DNAAF8: variants seen among roughly 807,000 people sequenced by gnomAD.
DNAAF8 encodes the protein dynein axonemal assembly factor 8.
In DNAAF8, 61 loss-of-function variants were observed where a neutral mutation model predicts 54.6. The ratio of observed to expected loss-of-function variants is 1.12; its 90% CI spans 0.91 to 1.38. The LOEUF (loss-of-function observed/expected upper bound fraction) is 1.38, where lower values mean the gene tolerates loss of function less well. Among genes scored for constraint, DNAAF8 ranks in the 40% most tolerant of loss-of-function variants. The pLI, the probability that DNAAF8 is intolerant of heterozygous loss-of-function variation, is 0.00. For synonymous variants in DNAAF8, 320 were observed against 270.1 expected (o/e 1.18, Z -1.81); for missense variants, 837 against 665.0 (o/e 1.26, Z -2.85).
chr16:4,746,086 T>G, intron 6 of DNAAF8: 1 of 314,820 alleles, frequency 3.2e-6, no homozygotes, highest in African/African-American at 2.1e-5. Context: ...GTTTTATGCA[T>G]TGGATTTAAA....
intron 1 of DNAAF8, chr16:4,734,985 G>A (rs1350544341): frequency 1.3e-5 from 2 of 152,206 alleles, no homozygotes; most frequent in South Asian, 2.1e-4. Flanking sequence ...CCGTTATTCA[G>A]AGGCGGCTCC....
chr16:4,748,321 G>A (rs2082045230), intron 9 of DNAAF8: 1 of 151,494 alleles, frequency 6.6e-6, no homozygotes, highest in African/African-American at 2.4e-5. Flanking sequence ...ACAGTGCTGG[G>A]ATTATAGCAC....
intron 4 of DNAAF8, among the ~76,000 whole-genome samples, chr16:4,742,779 G>C (rs559133845): frequency 7.9e-5 from 12 of 152,094 alleles, no homozygotes; most frequent in Non-Finnish European, 1.6e-4. Context: ...CAACGTCTTT[G>C]TGCCAAAAAC....
At chr16:4,743,262 A>C in intron 5 of DNAAF8, 102 bp downstream of exon 5, 1 of 781,486 alleles carries the variant, frequency 1.3e-6, no homozygotes, top group East Asian at 2.8e-5. Context: ...ACAGTCCTGC[A>C]GCCCACACAA....
At chr16:4,745,152 TC>T in intron 6 of DNAAF8, 141 bp downstream of exon 6, 1 of 1,129,688 alleles carries the variant, frequency 8.9e-7, no homozygotes, top group Non-Finnish European at 1.2e-6. Context: ...AGGCAGTCGC[TC>T]CAGTCATCCC....
rs887556085 is a variant in DNAAF8 at position 4,736,461 on chromosome 16, C to G, written c.-51-3C>G. The G allele has an allele frequency of 6.9e-7, 1 of 1,446,276 alleles. No individual in the cohort carries two copies. Among genetic ancestry groups the G allele is most frequent in the African/African-American group, 1.4e-5 (1 of 69,764 alleles). The allele number at this position is 1,446,276 out of a possible 1,614,324, so 89.6% of individuals were successfully genotyped here. A position where few individuals can be genotyped will look rare whatever the true frequency, so the allele number is the denominator to read the frequency against. On this transcript the variant is annotated splice_region_variant and splice_polypyrimidine_tract_variant and intron_variant, in intron 1 of 9. Transcript: ENST00000299320. Reference sequence around the variant, plus strand: ...CTCTTCCATCACCCTGTGTACCCCACAGAGCTCCCCGGATTATGGTGCACT... The same window carrying G: ...CTCTTCCATCACCCTGTGTACCCCAGAGAGCTCCCCGGATTATGGTGCACT...
At chr16:4,742,857 G>A (rs549985117) in intron 4 of DNAAF8, among the ~76,000 whole-genome samples, 186 bp from the exon 5 acceptor site, 1 of 152,282 alleles carries the variant, frequency 6.6e-6, no homozygotes, top group East Asian at 1.9e-4. Context: ...CACCTTAACG[G>A]AGGCGTTCAA....
chr16:4,742,681 C>G (rs1322985693), intron 4 of DNAAF8, among the ~76,000 whole-genome samples: 5 of 152,100 alleles, frequency 3.3e-5, no homozygotes, highest in African/African-American at 1.2e-4. Context: ...GCTCGCACCA[C>G]TACACTCCAG....
chr16:4,740,672 C>T lies in DNAAF8; in HGVS notation c.783+13C>T, dbSNP rs767707233. 2.4e-5 allele frequency: 37 copies of T among 1,565,726 alleles called. No individual in the cohort carries two copies. Among genetic ancestry groups the T allele is most frequent in the Non-Finnish European group, 2.2e-5 (26 of 1,161,430 alleles). ...GCTCTCGCTCCAGGTAGGCGCCTCC[C>T]CGTGCCTGGCTGTTTCTCAGGCCTG... On this transcript the variant is annotated intron_variant, in intron 4 of 9. Transcript: ENST00000299320.
rs2142215914 is a variant in DNAAF8, at chr16:4,747,547, C to T, written c.1485C>T (p.Gly495=). ...GQSAQARLPR[G]RPRALGDVPE... is the part of the protein sequence containing the mutation. ...GCGCCCAGGCTCGACTCCCAAGAGG[C>T]AGGCCCAGAGCCCTGGGGGATGTTC... Residue 495 remains glycine (G), a synonymous_variant, in exon 9 of 10, where the codon GGC becomes GGT. Coordinates refer to ENST00000299320, the MANE Select transcript of DNAAF8 (RefSeq NM_139170.3). 2 of 1,612,608 alleles carry T rather than the reference C, an allele frequency of 1.2e-6. No individual in the cohort carries two copies. The highest frequency in any genetic ancestry group is 2.2e-5 in the South Asian group (2 of 91,034).
Position 4,737,851 on chromosome 16 carries a change from C to G in DNAAF8, c.181C>G (p.Leu61Val). ...LFIFQRNQTSLIPDLSEELAE... is the reference protein window; with the variant it reads ...LFIFQRNQTSVIPDLSEELAE... Reference sequence around the variant, plus strand: ...CATCTTCCAGCGAAACCAAACCTCCCTGATTCCAGACCTGTCGGAGGAGCT... The same window carrying G: ...CATCTTCCAGCGAAACCAAACCTCCGTGATTCCAGACCTGTCGGAGGAGCT... The change falls in exon 3 of 10, where the codon CTG becomes GTG. Residue 61 changes from leucine (L) to valine (V), a missense_variant. Leu to Val is a conservative substitution (Grantham distance 32). Coordinates refer to ENST00000299320, the MANE Select transcript of DNAAF8 (RefSeq NM_139170.3). 1.9e-6 allele frequency: 3 copies of G among 1,614,138 alleles called. No individual in the cohort carries two copies. The highest frequency in any genetic ancestry group is 2.5e-6 in the Non-Finnish European group (3 of 1,179,960).
At chr16:4,739,463 A>G (rs1010746202) in intron 3 of DNAAF8, among the ~76,000 whole-genome samples, 1 of 151,032 alleles carries the variant, frequency 6.6e-6, no homozygotes, top group Non-Finnish European at 1.5e-5. Context: ...GTAACAGTGC[A>G]TTCCACTCTA....
chr16:4,740,012 T>C, intron 3 of DNAAF8, 141 bp from the exon 4 acceptor site: 1 of 1,038,962 alleles, frequency 9.6e-7, no homozygotes, highest in Admixed American at 2.6e-5. Context: ...TGAGCTATGA[T>C]CGCACCACTG....
At chr16:4,741,008 C>T (rs1300414332) in intron 4 of DNAAF8, among the ~76,000 whole-genome samples, 1 of 149,536 alleles carries the variant, frequency 6.7e-6, no homozygotes, top group East Asian at 2.0e-4. Context: ...ACCCTCATCT[C>T]TAAAAAAAAA....
intron 9 of DNAAF8, 144 bp downstream of exon 9, chr16:4,747,778 GT>G: frequency 1.0e-6 from 1 of 964,886 alleles, no homozygotes; most frequent in Non-Finnish European, 1.5e-6. Flanking sequence ...TGCCCACCCT[GT>G]TAGAGCTCAG....
At chr16:4,744,758 A>G in intron 5 of DNAAF8, 112 bp from the exon 6 acceptor site, 1 of 1,335,126 alleles carries the variant, frequency 7.5e-7, no homozygotes, top group Non-Finnish European at 1.0e-6. Context: ...GCAGTGGAGG[A>G]GCCTGAGGTC....
At chr16:4,738,368 C>G (rs1301857253) in intron 3 of DNAAF8, among the ~76,000 whole-genome samples, 6 of 152,226 alleles carry the variant, frequency 3.9e-5, no homozygotes, top group African/African-American at 1.4e-4. Context: ...AACTGCTAAA[C>G]TACACTGCTA....
Position 4,746,563 on chromosome 16 carries a change from C to T in DNAAF8, c.1181+51C>T, listed in dbSNP as rs1261936101. The T allele has an allele frequency of 5.1e-6, 8 of 1,570,700 alleles. No homozygotes were observed. In the Admixed American group the frequency reaches 1.4e-4, roughly 28 times the overall value. ...ACCAGCCTCTACTTTGCAGAGTTGC[C>T]TGTTGACCGCACAGAGCCTCTGGTG... is the stretch of plus-strand genomic sequence containing the variant. On this transcript the variant is annotated intron_variant, in intron 7 of 9. Coordinates refer to ENST00000299320, the MANE Select transcript of DNAAF8 (RefSeq NM_139170.3).
chr16:4,747,743 C>T, intron 9 of DNAAF8, 109 bp downstream of exon 9: 10 of 1,313,046 alleles, frequency 7.6e-6, no homozygotes, highest in Non-Finnish European at 1.0e-5. Context: ...ATTCCAGAGG[C>T]AGGGACCCTC....
Sources: allele counts gnomAD v4.1 joint callset (sites outside exome capture counted in the v4.1 genomes callset), GRCh38; gene constraint gnomAD v4.1.1; transcripts MANE v1.5; gene names NCBI Gene and HGNC (gene_info 2026-07-23, HGNC 2026-07-21).